Variants in ADGRG5 observed in about 807,000 individuals in gnomAD.
ADGRG5 encodes the protein adhesion G protein-coupled receptor G5.
ADGRG5 carries 37 observed loss-of-function variants against 53.2 expected under a neutral mutation model. The observed-to-expected ratio is 0.70, with a 90% confidence interval of 0.53 to 0.91. The LOEUF is 0.91. Among genes scored for constraint, ADGRG5 ranks in the 40% least tolerant of loss-of-function variants. ADGRG5 has a pLI of 0.00. For synonymous variants in ADGRG5, 277 were observed against 290.4 expected, an observed-to-expected ratio of 0.95 and a Z score of 0.47; for missense variants, 614 against 675.8, an observed-to-expected ratio of 0.91 and a Z score of 1.01.
chr16:57,570,804 C>T (rs2033332389), intron 10 of ADGRG5, among the ~76,000 whole-genome samples: 1 of 152,200 alleles, frequency 6.6e-6, no homozygotes, highest in South Asian at 2.1e-4. Context: ...GGGCCTCCCG[C>T]CTCCTCTGTC....
chr16:57,568,175 A>T, intron 9 of ADGRG5, 51 bp downstream of exon 9: 1 of 1,587,310 alleles, frequency 6.3e-7, no homozygotes, highest in African/African-American at 1.3e-5. Flanking sequence ...TGGGCAGGGT[A>T]TTGATCCCCT....
upstream of ADGRG5, among the ~76,000 whole-genome samples, chr16:57,542,234 A>G (rs1427170063): frequency 6.6e-6 from 1 of 152,186 alleles, no homozygotes; most frequent in East Asian, 1.9e-4. Context: ...CTTTGCCATC[A>G]TCAATATGCC....
At chr16:57,536,114 G>A in the ADGRG5 span, among the ~76,000 whole-genome samples, 1 of 152,148 alleles carries the variant, frequency 6.6e-6, no homozygotes, top group Admixed American at 6.5e-5. Flanking sequence ...AGGGCGCCGT[G>A]CTCTGATTGG....
At chr16:57,573,093 A>T (rs533676706) in intron 10 of ADGRG5, among the ~76,000 whole-genome samples, 1 of 152,128 alleles carries the variant, frequency 6.6e-6, no homozygotes, top group Non-Finnish European at 1.5e-5. Context: ...CATAAAGCAC[A>T]TCGTTACTGG....
intron 1 of ADGRG5, among the ~76,000 whole-genome samples, chr16:57,560,048 C>T (rs753465635): frequency 1.3e-5 from 2 of 152,142 alleles, no homozygotes; most frequent in Non-Finnish European, 2.9e-5. Context: ...TCTAGATGTT[C>T]AAACCTATTC....
At chr16:57,549,780 C>A (rs1360396504) in intron 1 of ADGRG5, among the ~76,000 whole-genome samples, 3 of 152,178 alleles carry the variant, frequency 2.0e-5, no homozygotes, top group Non-Finnish European at 4.4e-5. Context: ...TTTGACTTTT[C>A]TAGATTCCAC....
At chr16:57,571,607 G>A (rs1164199008) in intron 10 of ADGRG5, among the ~76,000 whole-genome samples, 2 of 151,604 alleles carry the variant, frequency 1.3e-5, no homozygotes, top group Non-Finnish European at 2.9e-5. Flanking sequence ...GGAAATAGAG[G>A]CTCTGGCCTC....
the ADGRG5 span, among the ~76,000 whole-genome samples, chr16:57,530,170 C>A: frequency 6.6e-6 from 1 of 152,130 alleles, no homozygotes; most frequent in Non-Finnish European, 1.5e-5. Flanking sequence ...CCCTTCTCTG[C>A]CGGAACCACC....
chr16:57,558,913 C>A (rs537015617), intron 1 of ADGRG5, among the ~76,000 whole-genome samples: 1 of 150,414 alleles, frequency 6.6e-6, no homozygotes, highest in African/African-American at 2.4e-5. Flanking sequence ...GGTGCTATCA[C>A]GGCTCACTGC....
Position 57,566,521 on chromosome 16 carries a change from G to A in ADGRG5, c.547-78G>A, listed in dbSNP as rs74019569. 890 of 1,254,738 alleles carry A rather than the reference G, an allele frequency of 7.1e-4. 3 individuals carry two copies. Among genetic ancestry groups the A allele is most frequent in the African/African-American group, 5.0e-3 (326 of 64,908 alleles). 77.7% of individuals were successfully genotyped at this position (1,254,738 alleles called of 1,614,324 possible). On this transcript the variant is annotated intron_variant, in intron 6 of 11. Transcript: ENST00000349457. Reference sequence around the variant, plus strand: ...TTGGCAAATGTGCAGTTGAGTCACCGTTGGCCCCCAGGACTCCCAGACACT... The same window carrying A: ...TTGGCAAATGTGCAGTTGAGTCACCATTGGCCCCCAGGACTCCCAGACACT...
chr16:57,537,303 A>ATGTAC, the ADGRG5 span, among the ~76,000 whole-genome samples: 800 of 152,268 alleles, frequency 5.3e-3, 8 homozygotes, highest in African/African-American at 0.018. Context: ...TGTACCCTGG[A>ATGTAC]AGGCCCCCGA....
intron 11 of ADGRG5, 27 bp downstream of exon 11, chr16:57,575,119 AGCTACCTG>A: frequency 6.3e-7 from 1 of 1,594,588 alleles, no homozygotes; most frequent in Non-Finnish European, 8.5e-7. Context: ...GCCTGGAGGA[AGCTACCTG>A]GCAGGGGGTG....
chr16:57,546,930 T>G (rs1236037443), intron 1 of ADGRG5, among the ~76,000 whole-genome samples: 1 of 152,168 alleles, frequency 6.6e-6, no homozygotes, highest in Admixed American at 6.5e-5. Context: ...CAGGGTGGTC[T>G]CCATCTCCTG....
chr16:57,530,290 T>A, the ADGRG5 span, among the ~76,000 whole-genome samples: 1 of 152,050 alleles, frequency 6.6e-6, no homozygotes, highest in African/African-American at 2.4e-5. Context: ...CATGCCCCCC[T>A]CCTCCTTAAA....
chr16:57,538,730 G>T (rs573181364), upstream of ADGRG5, among the ~76,000 whole-genome samples: 45 of 152,272 alleles, frequency 3.0e-4, no homozygotes, highest in African/African-American at 8.7e-4. Flanking sequence ...GGTTTTTGAG[G>T]CGTGTGTCAA....
chr16:57,567,756 T>G (rs2033177036), intron 8 of ADGRG5, 100 bp from the exon 9 acceptor site: 1 of 1,455,732 alleles, frequency 6.9e-7, no homozygotes, highest in Non-Finnish European at 9.3e-7. Flanking sequence ...CTGCCCCTTC[T>G]TCGCCTCAGT....
chr16:57,530,551 C>T, the ADGRG5 span, among the ~76,000 whole-genome samples: 1 of 152,212 alleles, frequency 6.6e-6, no homozygotes, highest in Admixed American at 6.5e-5. Context: ...TCTCCACCTT[C>T]TTCCAATCTC....
intron 9 of ADGRG5, among the ~76,000 whole-genome samples, 176 bp from the exon 10 acceptor site, chr16:57,570,242 G>A (rs2033311015): frequency 6.6e-6 from 1 of 152,148 alleles, no homozygotes; most frequent in African/African-American, 2.4e-5. Context: ...CATCATCTTG[G>A]AGGAGAGCTT....
chr16:57,576,664 T>A lies in ADGRG5; in HGVS notation c.*1126T>A, dbSNP rs1401361141. ...ATGCACCAGCTGGAGGGGCCGTAAC[T>A]GCAGGACTGCGCCTACTGAGTGACC... is the stretch of plus-strand genomic sequence containing the variant. On this transcript the variant is annotated 3_prime_UTR_variant, in exon 12 of 12. Coordinates refer to ENST00000349457, the MANE Select transcript of ADGRG5 (RefSeq NM_001304376.3). 1 of 152,236 alleles carries A rather than the reference T, an allele frequency of 6.6e-6. No homozygotes were observed. Among genetic ancestry groups the A allele is most frequent in the Non-Finnish European group, 1.5e-5 (1 of 68,054 alleles). The allele number at this position is 152,236 out of a possible 1,614,324, so 9.4% of individuals were successfully genotyped here.
Sources: gnomAD v4.1 joint callset for allele counts (sites outside exome capture counted in the v4.1 genomes callset) on GRCh38, gnomAD v4.1.1 for gene constraint, MANE v1.5 for transcripts, NCBI Gene and HGNC (gene_info 2026-07-23, HGNC 2026-07-21) for gene names.